Variants in LIN7C observed in about 807,000 individuals in gnomAD.
LIN7C encodes the protein lin-7 cell polarity scaffold C.
A neutral mutation model predicts 24.7 loss-of-function variants in LIN7C; 17 were observed. That is an observed-to-expected ratio of 0.69 (90% CI 0.47 to 1.03). LIN7C has a LOEUF of 1.03. Ranked by LOEUF, LIN7C falls within the 50% of genes least tolerant of loss-of-function variation. The pLI is 0.00. For synonymous variants in LIN7C, 90 were observed against 83.4 expected (o/e 1.08, Z -0.43); for missense variants, 204 against 239.0 (o/e 0.85, Z 0.97).
At chr11:27,504,354 A>G (rs944046748) in intron 1 of LIN7C, among the ~76,000 whole-genome samples, 26 of 152,162 alleles carry the variant, frequency 1.7e-4, no homozygotes, top group African/African-American at 6.3e-4. Context: ...CTAAATCTAA[A>G]ATGTACCTAC....
At position 27,498,885 on chromosome 11, in the gene LIN7C, T is replaced by C. The variant is rs1268904155; in HGVS notation, c.439-81A>G. 2.5e-6 allele frequency: 3 copies of C among 1,211,510 alleles called. No homozygotes were observed. The East Asian group carries it at 7.4e-5, about 30-fold the overall frequency. The allele number at this position is 1,211,510 out of a possible 1,614,324, so 75.0% of individuals were successfully genotyped here. On this transcript the variant is annotated intron_variant, in intron 4 of 4. Coordinates refer to ENST00000278193, the MANE Select transcript of LIN7C (RefSeq NM_018362.4). ...TCAAAATGCAAAAATGTTTACAATA[T>C]ATATAATGAAGAAAAGTTTTAATGT...
intron 4 of LIN7C, 116 bp from the exon 5 acceptor site, chr11:27,498,920 C>A (rs1865195588): frequency 1.2e-6 from 1 of 853,558 alleles, no homozygotes; most frequent in Non-Finnish European, 1.8e-6. Flanking sequence ...TTATATTATT[C>A]CAACATTACA....
At chr11:27,503,947 A>C (rs1335662208) in intron 1 of LIN7C, among the ~76,000 whole-genome samples, 1 of 152,100 alleles carries the variant, frequency 6.6e-6, no homozygotes, top group East Asian at 1.9e-4. Flanking sequence ...TCTCCCGAGT[A>C]GCTGGGACTA....
rs1443388880 is a variant in LIN7C at position 27,495,662 on chromosome 11, G to T, written c.*2987C>A. 1 of 151,252 alleles carries T rather than the reference G, an allele frequency of 6.6e-6. No individual in the cohort carries two copies. Among genetic ancestry groups the T allele is most frequent in the East Asian group, 1.9e-4 (1 of 5,176 alleles). 9.4% of individuals were successfully genotyped at this position (151,252 alleles called of 1,614,324 possible). ...TCTCAAATAACAAACACGTATTTTTGTAAGTTTTAAAGGCAAAGGGGGCAG... is the reference window on the plus strand; with the variant it reads ...TCTCAAATAACAAACACGTATTTTTTTAAGTTTTAAAGGCAAAGGGGGCAG... On this transcript the variant is annotated 3_prime_UTR_variant, in exon 5 of 5. Coordinates refer to ENST00000278193, the MANE Select transcript of LIN7C (RefSeq NM_018362.4).
rs1435769799 is a variant in LIN7C at position 27,497,556 on chromosome 11, T to G, written c.*1093A>C. 1 of 152,604 alleles carries G rather than the reference T, an allele frequency of 6.6e-6. No homozygotes were observed. Among genetic ancestry groups the G allele is most frequent in the Non-Finnish European group, 1.5e-5 (1 of 67,968 alleles). 9.5% of individuals were successfully genotyped at this position (152,604 alleles called of 1,614,324 possible). Reference sequence around the variant, plus strand: ...CAACAATTTTAGTATGAGTTCCTACTTATTTTGATGGAATCTACAGATTCT... The same window carrying G: ...CAACAATTTTAGTATGAGTTCCTACGTATTTTGATGGAATCTACAGATTCT... On this transcript the variant is annotated 3_prime_UTR_variant, in exon 5 of 5. Coordinates refer to ENST00000278193, the MANE Select transcript of LIN7C (RefSeq NM_018362.4).
rs529655544 is a variant in LIN7C at position 27,496,127 on chromosome 11, T to G, written c.*2522A>C. 1 of 150,878 alleles carries G rather than the reference T, an allele frequency of 6.6e-6. No individual in the cohort carries two copies. The highest frequency in any genetic ancestry group is 1.5e-5 in the Non-Finnish European group (1 of 67,822). The allele number at this position is 150,878 out of a possible 1,614,324, so 9.3% of individuals were successfully genotyped here. On this transcript the variant is annotated 3_prime_UTR_variant, in exon 5 of 5. Transcript: ENST00000278193. The stretch of plus-strand genomic sequence containing the variant: ...TTTATAATGGGTTATTGACCCTAGG[T>G]GTCCTTTAGAACCACCTGGAAAGCT...
At position 27,506,282 on chromosome 11, in the gene LIN7C, A is replaced by C. The variant is rs574120428; in HGVS notation, c.37+434T>G. ...GAAAGTAATGAAGGAGTTTGTGTGCAAACAGCGGGGAAAGGAGGTTCTGTT... is the reference window on the plus strand; with the variant it reads ...GAAAGTAATGAAGGAGTTTGTGTGCCAACAGCGGGGAAAGGAGGTTCTGTT... On this transcript the variant is annotated intron_variant, in intron 1 of 4. Coordinates refer to ENST00000278193, the MANE Select transcript of LIN7C (RefSeq NM_018362.4). Among the ~76,000 whole-genome samples the C allele has an allele frequency of 2.1e-3, 327 of 152,364 alleles. 1 individual carries two copies. Among genetic ancestry groups the C allele is most frequent in the Non-Finnish European group, 3.9e-3 (263 of 68,036 alleles).
chr11:27,499,579 G>C lies in LIN7C; in HGVS notation c.229-11C>G, dbSNP rs1865202359. 9 of 1,605,192 alleles carry C rather than the reference G, an allele frequency of 5.6e-6. No individual in the cohort carries two copies. The highest frequency in any genetic ancestry group is 7.7e-6 in the Non-Finnish European group (9 of 1,174,604). The stretch of plus-strand genomic sequence containing the variant: ...TGCAGCAACAGTAGCCTGAAAGAAA[G>C]TTTTACATATTAAAAATATGACTTT... On this transcript the variant is annotated splice_polypyrimidine_tract_variant and intron_variant, in intron 3 of 4. Transcript: ENST00000278193.
At chr11:27,502,529 CTTAA>C (rs1449848238) in intron 1 of LIN7C, among the ~76,000 whole-genome samples, 2 of 151,976 alleles carry the variant, frequency 1.3e-5, no homozygotes, top group African/African-American at 4.8e-5. Context: ...TTTTTTTCAA[CTTAA>C]TTAACACTGT....
chr11:27,505,427 G>A (rs1165646558), intron 1 of LIN7C, among the ~76,000 whole-genome samples: 1 of 152,326 alleles, frequency 6.6e-6, no homozygotes. Flanking sequence ...AAACAGATTT[G>A]CTCCCATCTA....
chr11:27,504,719 ATACTT>A (rs1435973106), intron 1 of LIN7C, among the ~76,000 whole-genome samples: 1 of 152,244 alleles, frequency 6.6e-6, no homozygotes, highest in Non-Finnish European at 1.5e-5. Context: ...TCCCCCCTCT[ATACTT>A]TAAATAATCT....
chr11:27,498,526 AAGG>A lies in LIN7C; in HGVS notation c.*120_*122del. The A allele has an allele frequency of 2.2e-6, 2 of 897,516 alleles. No individual in the cohort carries two copies. Among genetic ancestry groups the A allele is most frequent in the Admixed American group, 2.5e-5 (1 of 39,760 alleles). The allele number at this position is 897,516 out of a possible 1,614,324, so 55.6% of individuals were successfully genotyped here. ...TTAAAATAGGCATTTATAAAATGAC[AAGG>A]AGAATTTCATGATAAATTTGTTTGT... On this transcript the variant is annotated 3_prime_UTR_variant, in exon 5 of 5. Transcript: ENST00000278193.
In LIN7C at chr11:27,499,586, A is replaced by G. The variant is rs941935550; in HGVS notation, c.229-18T>C. 16 of 1,596,856 alleles carry G rather than the reference A, an allele frequency of 1.0e-5. 1 individual carries two copies. In the Admixed American group the frequency reaches 1.9e-4, roughly 19 times the overall value. On this transcript the variant is annotated intron_variant, in intron 3 of 4. Coordinates refer to ENST00000278193, the MANE Select transcript of LIN7C (RefSeq NM_018362.4). Reference sequence around the variant, plus strand: ...ACAGTAGCCTGAAAGAAAGTTTTACATATTAAAAATATGACTTTTATTTAC... The same window carrying G: ...ACAGTAGCCTGAAAGAAAGTTTTACGTATTAAAAATATGACTTTTATTTAC...
intron 1 of LIN7C, among the ~76,000 whole-genome samples, chr11:27,503,151 C>A (rs1259195642): frequency 2.0e-5 from 3 of 151,212 alleles, no homozygotes; most frequent in South Asian, 4.2e-4. Flanking sequence ...AACAAACAAA[C>A]AAAAAAAACC....
intron 3 of LIN7C, among the ~76,000 whole-genome samples, chr11:27,501,125 CAA>C (rs1179693076): frequency 7.9e-5 from 12 of 151,974 alleles, no homozygotes; most frequent in Non-Finnish European, 1.5e-4. Context: ...GCTTCCTCAT[CAA>C]TAAGATGAGG....
chr11:27,505,817 A>T lies in LIN7C; in HGVS notation c.37+899T>A, dbSNP rs368449252. On this transcript the variant is annotated intron_variant, in intron 1 of 4. Transcript: ENST00000278193. Reference sequence around the variant, plus strand: ...TCAAAATGTTTATTTGTACTTCTCAATTCCTATCAATGATTTCTAATGCTG... The same window carrying T: ...TCAAAATGTTTATTTGTACTTCTCATTTCCTATCAATGATTTCTAATGCTG... Among the ~76,000 whole-genome samples, 3 of 152,196 alleles carry T rather than the reference A, an allele frequency of 2.0e-5. No homozygotes were observed. The East Asian group carries it at 5.8e-4, about 29-fold the overall frequency.
rs931649989 is a variant in LIN7C, at chr11:27,497,683, C to T, written c.*966G>A. On this transcript the variant is annotated 3_prime_UTR_variant, in exon 5 of 5. Coordinates refer to ENST00000278193, the MANE Select transcript of LIN7C (RefSeq NM_018362.4). Reference sequence around the variant, plus strand: ...AATTGAGCTAGTAAGAATGTCTACTCTTGAAGCTAGTGAGGTTAAAGGTAT... The same window carrying T: ...AATTGAGCTAGTAAGAATGTCTACTTTTGAAGCTAGTGAGGTTAAAGGTAT... The T allele has an allele frequency of 2.0e-5, 3 of 152,062 alleles. No individual in the cohort carries two copies. The highest frequency in any genetic ancestry group is 7.2e-5 in the African/African-American group (3 of 41,434). The allele number at this position is 152,062 out of a possible 1,614,324, so 9.4% of individuals were successfully genotyped here.
At position 27,495,431 on chromosome 11, in the gene LIN7C, C is replaced by T. The variant is rs1207342597; in HGVS notation, c.*3218G>A. 6 of 151,964 alleles carry T rather than the reference C, an allele frequency of 3.9e-5. No individual in the cohort carries two copies. Among genetic ancestry groups the T allele is most frequent in the African/African-American group, 1.2e-4 (5 of 41,308 alleles). The allele number at this position is 151,964 out of a possible 1,614,324, so 9.4% of individuals were successfully genotyped here. On this transcript the variant is annotated 3_prime_UTR_variant, in exon 5 of 5. Transcript: ENST00000278193. ...GAGGCTGAAGTGAGCCGAGATCACA[C>T]CACTGCACGCCAGCCTGGGCAACAG... is the stretch of plus-strand genomic sequence containing the variant.
chr11:27,501,203 T>C (rs1865222262), intron 3 of LIN7C, among the ~76,000 whole-genome samples: 1 of 152,146 alleles, frequency 6.6e-6, no homozygotes, highest in Admixed American at 6.5e-5. Context: ...GTATCATATA[T>C]ATAACATATA....
Sources: gnomAD v4.1 joint callset for allele counts (sites outside exome capture counted in the v4.1 genomes callset) on GRCh38, gnomAD v4.1.1 for gene constraint, MANE v1.5 for transcripts, NCBI Gene and HGNC (gene_info 2026-07-23, HGNC 2026-07-21) for gene names.